The following SLC4A8 variants were observed in gnomAD, a reference collection of about 807,000 sequenced individuals.
The protein encoded by SLC4A8 is solute carrier family 4 member 8.
SLC4A8 carries 40 observed loss-of-function variants against 125.0 expected under a neutral mutation model. The observed-to-expected ratio is 0.32, with a 90% CI of 0.25 to 0.42. SLC4A8 has a LOEUF of 0.42. Among genes scored for constraint, SLC4A8 ranks in the 10% least tolerant of loss-of-function variants. The pLI, the probability that SLC4A8 is intolerant of heterozygous loss-of-function variation, is 1.00. For synonymous variants in SLC4A8, 456 were observed against 476.0 expected, an observed-to-expected ratio of 0.96 and a Z score of 0.55; for missense variants, 863 against 1,355.1, an observed-to-expected ratio of 0.64 and a Z score of 5.70.
At chr12:51,458,155 C>T (rs1412536678) in intron 6 of SLC4A8, among the ~76,000 whole-genome samples, 1 of 152,184 alleles carries the variant, frequency 6.6e-6, no homozygotes, top group African/African-American at 2.4e-5. Context: ...GTTCCTTTTC[C>T]TGTGGCCAGG....
intron 16 of SLC4A8, chr12:51,479,969 ATTT>A (rs202064260): frequency 0.028 from 8,336 of 300,040 alleles, 10 homozygotes; most frequent in South Asian, 0.036. Flanking sequence ...TATAAATGGA[ATTT>A]TTTTTTTTTT....
chr12:51,424,083 A>G (rs1948882053), upstream of SLC4A8, among the ~76,000 whole-genome samples: 1 of 151,070 alleles, frequency 6.6e-6, no homozygotes, highest in Admixed American at 6.6e-5. Flanking sequence ...AAAACAAAAA[A>G]AACCCAAAAG....
At chr12:51,439,905 A>T (rs974816677) in intron 1 of SLC4A8, among the ~76,000 whole-genome samples, 1 of 152,212 alleles carries the variant, frequency 6.6e-6, no homozygotes, top group Non-Finnish European at 1.5e-5. Flanking sequence ...GGTTTTAGAC[A>T]CATGGTTCTT....
Position 51,512,310 on chromosome 12 carries a change from A to T in SLC4A8, c.*4872A>T, listed in dbSNP as rs746776687. ...ATAAGTAGGAGGCTTTCCCCAAAGG[A>T]TATGGAGACTGATGTGTGCTCCATA... is the stretch of plus-strand genomic sequence containing the variant. On this transcript the variant is annotated 3_prime_UTR_variant, in exon 25 of 25. Coordinates refer to ENST00000453097, the MANE Select transcript of SLC4A8 (RefSeq NM_001039960.3). 1.3e-5 allele frequency: 2 copies of T among 152,142 alleles called. No homozygotes were observed. The highest frequency in any genetic ancestry group is 4.8e-5 in the African/African-American group (2 of 41,400). The allele number at this position is 152,142 out of a possible 1,614,324, so 9.4% of individuals were successfully genotyped here.
At chr12:51,458,163 A>G (rs767112462) in intron 6 of SLC4A8, among the ~76,000 whole-genome samples, 1 of 152,202 alleles carries the variant, frequency 6.6e-6, no homozygotes, top group Non-Finnish European at 1.5e-5. Context: ...TCCTGTGGCC[A>G]GGAAGGGTCT....
chr12:51,458,602 A>G lies in SLC4A8; in HGVS notation c.807A>G (p.Glu269=). 2 of 1,613,964 alleles carry G rather than the reference A, an allele frequency of 1.2e-6. No individual in the cohort carries two copies. Among genetic ancestry groups the G allele is most frequent in the Non-Finnish European group, 1.7e-6 (2 of 1,179,842 alleles). Residue 269 remains glutamate, a synonymous_variant, in exon 7 of 25, where the codon GAA becomes GAG. Transcript: ENST00000453097. The part of the protein sequence containing the change: ...SPQSVPTTNL[E]VKNGVNCEHS... ...AGTCTGTTCCAACTACAAATCTTGA[A>G]GTAAAAAATGGAGTGAATTGTGAAC...
intron 16 of SLC4A8, among the ~76,000 whole-genome samples, chr12:51,485,005 G>A (rs538631770): frequency 4.9e-4 from 74 of 152,224 alleles, no homozygotes; most frequent in Admixed American, 7.2e-4. Context: ...CAAATACCCC[G>A]AGGTGGGAGT....
At chr12:51,460,172 A>G in intron 8 of SLC4A8, 64 bp downstream of exon 8, 1 of 1,238,564 alleles carries the variant, frequency 8.1e-7, no homozygotes, top group Non-Finnish European at 1.2e-6. Context: ...TGCTGGTAGA[A>G]GAAACCACTT....
chr12:51,507,468 C>T lies in SLC4A8; in HGVS notation c.*30C>T, dbSNP rs1274327227. 6.5e-6 allele frequency: 9 copies of T among 1,374,110 alleles called. No homozygotes were observed. Among genetic ancestry groups the T allele is most frequent in the Non-Finnish European group, 7.6e-6 (8 of 1,055,496 alleles). The allele number at this position is 1,374,110 out of a possible 1,614,324, so 85.1% of individuals were successfully genotyped here. A position where few individuals can be genotyped will look rare whatever the true frequency, so the allele number is the denominator to read the frequency against. ...CTTTGCTGGGATGGAAGATTTGGGC[C>T]GTGTGGTGCCTCAGGGAAGTTCTGG... On this transcript the variant is annotated 3_prime_UTR_variant, in exon 25 of 25. Coordinates refer to ENST00000453097, the MANE Select transcript of SLC4A8 (RefSeq NM_001039960.3).
At chr12:51,489,064 A>T (rs1951234595) in intron 18 of SLC4A8, among the ~76,000 whole-genome samples, 1 of 151,972 alleles carries the variant, frequency 6.6e-6, no homozygotes, top group Non-Finnish European at 1.5e-5. Context: ...GGACTCCATT[A>T]CTCTCCTCTC....
intron 3 of SLC4A8, 33 bp downstream of exon 3, chr12:51,451,055 T>C (rs1313198244): frequency 1.4e-6 from 2 of 1,441,790 alleles, no homozygotes; most frequent in Non-Finnish European, 1.8e-6. Context: ...CGGGTGTCCA[T>C]GGCCCAGGGG....
intron 6 of SLC4A8, among the ~76,000 whole-genome samples, chr12:51,457,938 T>C (rs747127082): frequency 2.2e-4 from 34 of 152,318 alleles, no homozygotes; most frequent in African/African-American, 5.5e-4. Flanking sequence ...AGGCTTGTGA[T>C]TGTGGCTTTA....
At position 51,452,285 on chromosome 12, in the gene SLC4A8, A is replaced by G. The variant is rs781662019; in HGVS notation, c.413+26A>G. ...GTGAGGCCCTAAAATGGCCTGCATC[A>G]AGATCTGCTTGGGTAGGCAAGTGTG... On this transcript the variant is annotated intron_variant, in intron 4 of 24. Coordinates refer to ENST00000453097, the MANE Select transcript of SLC4A8 (RefSeq NM_001039960.3). 4.3e-6 allele frequency: 7 copies of G among 1,613,794 alleles called. No individual in the cohort carries two copies. The South Asian group carries it at 7.7e-5, about 18-fold the overall frequency.
At chr12:51,412,580 A>T (rs1592147388) in intron 1 of SLC4A8, among the ~76,000 whole-genome samples, 1 of 152,114 alleles carries the variant, frequency 6.6e-6, no homozygotes, top group African/African-American at 2.4e-5. Context: ...TTCATTCCCC[A>T]CCTGCCCCTG....
At chr12:51,394,742 C>G (rs1948225254) in intron 1 of SLC4A8, among the ~76,000 whole-genome samples, 1 of 152,216 alleles carries the variant, frequency 6.6e-6, no homozygotes, top group Non-Finnish European at 1.5e-5. Flanking sequence ...GGGTATTATG[C>G]TTATTACCTG....
chr12:51,425,168 C>A, intron 1 of SLC4A8, 133 bp downstream of exon 1: 3 of 1,433,528 alleles, frequency 2.1e-6, no homozygotes, highest in Non-Finnish European at 2.7e-6. Flanking sequence ...GAGGCCAGCC[C>A]GGGACACCAG....
At position 51,508,406 on chromosome 12, in the gene SLC4A8, G is replaced by A. The variant is rs1247115680; in HGVS notation, c.*968G>A. 1 of 151,858 alleles carries A rather than the reference G, an allele frequency of 6.6e-6. No individual in the cohort carries two copies. Among genetic ancestry groups the A allele is most frequent in the African/African-American group, 2.4e-5 (1 of 41,214 alleles). 9.4% of individuals were successfully genotyped at this position (151,858 alleles called of 1,614,324 possible). On this transcript the variant is annotated 3_prime_UTR_variant, in exon 25 of 25. Transcript: ENST00000453097. The stretch of plus-strand genomic sequence containing the variant: ...ATATGATGTTTTTATTGGCCATTTT[G>A]CGGGACTCTTCGACTTCTTGCTGCT...
chr12:51,436,550 C>T (rs1284407726), intron 1 of SLC4A8, among the ~76,000 whole-genome samples: 1 of 152,114 alleles, frequency 6.6e-6, no homozygotes, highest in Non-Finnish European at 1.5e-5. Flanking sequence ...TATTCCCTCC[C>T]TCCTCTCTAG....
At chr12:51,461,929 C>A (rs1325081391) in intron 9 of SLC4A8, 2 of 210,768 alleles carry the variant, frequency 9.5e-6, no homozygotes, top group Non-Finnish European at 1.9e-5. Context: ...TTAGTAATTC[C>A]ATCCAGTGTT....
Sources: gnomAD v4.1 joint callset for allele counts (sites outside exome capture counted in the v4.1 genomes callset) on GRCh38, gnomAD v4.1.1 for gene constraint, MANE v1.5 for transcripts, NCBI Gene and HGNC (gene_info 2026-07-23, HGNC 2026-07-21) for gene names.